The following LRP5 variants were observed in gnomAD, a reference collection of about 807,000 sequenced individuals.
The protein encoded by LRP5 is LDL receptor related protein 5.
A neutral mutation model predicts 154.1 loss-of-function variants in LRP5; 62 were observed. That is an observed-to-expected ratio of 0.40 (90% CI 0.33 to 0.50). The LOEUF is 0.50. Among genes scored for constraint, LRP5 ranks in the 20% least tolerant of loss-of-function variants. The pLI is 0.55. For missense variants in LRP5, 1,915 were observed against 2,336.7 expected (o/e 0.82, Z 3.72); for synonymous variants, 966 against 1,011.5 (o/e 0.96, Z 0.85).
At chr11:68,341,059 C>CTTTTTTGTTTTTTTTTTTT (rs2098608762) in intron 1 of LRP5, among the ~76,000 whole-genome samples, 1 of 83,496 alleles carries the variant, frequency 1.2e-5, no homozygotes. Context: ...GGAGATTGTT[C>CTTTTTTGTTTTTTTTTTTT]TTTTTTTTTT....
At chr11:68,311,700 A>C (rs2098587966), upstream of LRP5, among the ~76,000 whole-genome samples, 2 of 152,252 alleles carry the variant, frequency 1.3e-5, no homozygotes, top group African/African-American at 4.8e-5. Flanking sequence ...GAGGTACTGC[A>C]AGCCCTCTCT....
chr11:68,419,893 A>G (rs909901792), intron 13 of LRP5, among the ~76,000 whole-genome samples: 1 of 150,634 alleles, frequency 6.6e-6, no homozygotes, highest in South Asian at 2.1e-4. Context: ...CTGGAGTGCA[A>G]TGGTGGGCTC....
chr11:68,312,699 C>T lies in LRP5; in HGVS notation c.-16C>T. 1 of 1,006,284 alleles carries T rather than the reference C, an allele frequency of 9.9e-7. No individual in the cohort carries two copies. The highest frequency in any genetic ancestry group is 1.2e-6 in the Non-Finnish European group (1 of 845,116). The allele number at this position is 1,006,284 out of a possible 1,614,324, so 62.3% of individuals were successfully genotyped here. A position where few individuals can be genotyped will look rare whatever the true frequency, so the allele number is the denominator to read the frequency against. Reference sequence around the variant, plus strand: ...CCGAGTGAGCGCGGCGCGGGCCCGTCCGGCCGCCGGACAACATGGAGGCAG... The same window carrying T: ...CCGAGTGAGCGCGGCGCGGGCCCGTTCGGCCGCCGGACAACATGGAGGCAG... On this transcript the variant is annotated 5_prime_UTR_variant, in exon 1 of 23. Coordinates refer to ENST00000294304, the MANE Select transcript of LRP5 (RefSeq NM_002335.4).
chr11:68,336,745 A>G (rs1427230086), intron 1 of LRP5, among the ~76,000 whole-genome samples: 3 of 152,234 alleles, frequency 2.0e-5, no homozygotes, highest in African/African-American at 7.2e-5. Context: ...CTGAGATTAC[A>G]GTCGTGAGCC....
Position 68,439,894 on chromosome 11 carries a change from C to G in LRP5, c.4466C>G (p.Thr1489Arg). 2 of 1,548,052 alleles carry G rather than the reference C, an allele frequency of 1.3e-6. No homozygotes were observed. The highest frequency in any genetic ancestry group is 1.7e-6 in the Non-Finnish European group (2 of 1,149,494). The change falls in exon 21 of 23, where the codon ACG becomes AGG. Residue 1489 changes from threonine (T) to arginine (R), a missense_variant. Coordinates refer to ENST00000294304, the MANE Select transcript of LRP5 (RefSeq NM_002335.4). ...GCCTCGTCCAGCAGCTCGTCCAGCACGAAGGCCACGCTGTACCCGCCGGTG... is the reference window on the plus strand; with the variant it reads ...GCCTCGTCCAGCAGCTCGTCCAGCAGGAAGGCCACGCTGTACCCGCCGGTG... ...TGASSSSSSSTKATLYPPILN... is the reference protein window; with the variant it reads ...TGASSSSSSSRKATLYPPILN...
At position 68,353,274 on chromosome 11, in the gene LRP5, C is replaced by T. The variant is rs905883694; in HGVS notation, c.489-4376C>T. 6.6e-6 allele frequency among the ~76,000 whole-genome samples: 1 copy of T among 152,188 alleles called. No homozygotes were observed. The highest frequency in any genetic ancestry group is 1.5e-5 in the Non-Finnish European group (1 of 68,028). On this transcript the variant is annotated intron_variant, in intron 2 of 22. Coordinates refer to ENST00000294304, the MANE Select transcript of LRP5 (RefSeq NM_002335.4). This position sits in a 1 kb window ranked among gnomAD's most constrained non-coding sequence, Gnocchi z 4.5. ...GCAAAGTTGACCTTAGTGTTGATTC[C>T]TGGGCCTCTCCCCACACCTTCCCTT...
intron 7 of LRP5, among the ~76,000 whole-genome samples, chr11:68,395,427 G>A (rs1010286710): frequency 2.0e-5 from 3 of 152,024 alleles, no homozygotes; most frequent in African/African-American, 4.8e-5. Flanking sequence ...ATTACCTGAC[G>A]ATTTGGAGCT....
rs138671300 is a variant in LRP5 at position 68,437,071 on chromosome 11, G to A, written c.4111+72G>A. On this transcript the variant is annotated intron_variant, in intron 19 of 22. Transcript: ENST00000294304. ...CCCAGGAACGTGGAGTTTAGGGGAG[G>A]AGACGTGCCTTTCCAGCGGGGCTGG... 5.5e-4 allele frequency: 712 copies of A among 1,299,902 alleles called. 3 individuals carry two copies. The African/African-American group carries it at 9.0e-3, about 16-fold the overall frequency. 80.5% of individuals were successfully genotyped at this position (1,299,902 alleles called of 1,614,324 possible). A position where few individuals can be genotyped will look rare whatever the true frequency, so the allele number is the denominator to read the frequency against.
At chr11:68,393,276 C>A (rs1023698432) in intron 7 of LRP5, among the ~76,000 whole-genome samples, 1 of 152,154 alleles carries the variant, frequency 6.6e-6, no homozygotes, top group African/African-American at 2.4e-5. Flanking sequence ...CTGCTGTGAA[C>A]ATTTGAATTC....
chr11:68,319,038 G>A (rs1411657872), intron 1 of LRP5, among the ~76,000 whole-genome samples: 1 of 150,210 alleles, frequency 6.7e-6, no homozygotes, highest in South Asian at 2.1e-4. Flanking sequence ...CGCTGCTTCT[G>A]TGCCCTCCCT....
intron 21 of LRP5, among the ~76,000 whole-genome samples, chr11:68,443,462 C>T: frequency 7.6e-6 from 1 of 131,098 alleles, no homozygotes; most frequent in African/African-American, 2.9e-5. Context: ...TGCACTCCAG[C>T]CTGGGCGACA....
At chr11:68,418,317 G>A (rs2098663718) in intron 13 of LRP5, among the ~76,000 whole-genome samples, 1 of 152,066 alleles carries the variant, frequency 6.6e-6, no homozygotes, top group Non-Finnish European at 1.5e-5. Flanking sequence ...AGGCAGAATT[G>A]CTTGAACCTG....
At chr11:68,376,446 A>G (rs1484455370) in intron 5 of LRP5, among the ~76,000 whole-genome samples, 1 of 152,108 alleles carries the variant, frequency 6.6e-6, no homozygotes, top group African/African-American at 2.4e-5. Flanking sequence ...GGCCTCCCAA[A>G]GTGCTGGGAT....
chr11:68,350,127 C>T (rs908309920), intron 2 of LRP5, among the ~76,000 whole-genome samples: 5 of 152,248 alleles, frequency 3.3e-5, no homozygotes, highest in Non-Finnish European at 7.3e-5. Flanking sequence ...ACCTCCACCT[C>T]CCGAGTTCAA....
chr11:68,385,827 G>A lies in LRP5; in HGVS notation c.1016-489G>A, dbSNP rs146076014. Among the ~76,000 whole-genome samples the A allele has an allele frequency of 6.6e-3, 1,011 of 152,150 alleles. 13 individuals are homozygous for A. Among genetic ancestry groups the A allele is most frequent in the African/African-American group, 0.023 (954 of 41,506 alleles). The stretch of plus-strand genomic sequence containing the variant: ...CCTCGGGTGGTGGAGAGGAGGGAGC[G>A]ATGAAGTGGCGTCGAGCTGGGCAGG... On this transcript the variant is annotated intron_variant, in intron 5 of 22. Transcript: ENST00000294304.
chr11:68,443,804 A>C (rs974906276), intron 21 of LRP5, among the ~76,000 whole-genome samples: 1 of 150,708 alleles, frequency 6.6e-6, no homozygotes, highest in African/African-American at 2.4e-5. Flanking sequence ...GATTATAGGC[A>C]TGCACCACCA....
chr11:68,438,038 C>T (rs1325937531), intron 19 of LRP5, among the ~76,000 whole-genome samples: 1 of 152,208 alleles, frequency 6.6e-6, no homozygotes, highest in Non-Finnish European at 1.5e-5. Flanking sequence ...CCCACCCAGC[C>T]GACCCTGCCC....
intron 1 of LRP5, among the ~76,000 whole-genome samples, chr11:68,323,111 G>T (rs751828988): frequency 2.3e-4 from 35 of 152,272 alleles, no homozygotes; most frequent in African/African-American, 6.3e-4. Context: ...GGTTTTGATT[G>T]ATTTATTTAT....
rs564135057 is a variant in LRP5 at position 68,447,805 on chromosome 11, C to T, written c.4587-1004C>T. The stretch of plus-strand genomic sequence containing the variant: ...AGGACGGGGGCTCCTAAACACACCA[C>T]AGTTCCGAGTCTGAACTCACACAGT... On this transcript the variant is annotated intron_variant, in intron 22 of 22. Transcript: ENST00000294304. The surrounding 1 kb of genome is among the most constrained non-coding windows in gnomAD (Gnocchi z 4.3). 5.8e-4 allele frequency among the ~76,000 whole-genome samples: 88 copies of T among 152,290 alleles called. No homozygotes were observed. Among genetic ancestry groups the T allele is most frequent in the African/African-American group, 1.7e-3 (70 of 41,568 alleles).
Sources: gnomAD v4.1 joint callset for allele counts (sites outside exome capture counted in the v4.1 genomes callset) on GRCh38, gnomAD v4.1.1 for gene constraint, Gnocchi (gnomAD v3.1) non-coding constraint, MANE v1.5 for transcripts, NCBI Gene and HGNC (gene_info 2026-07-23, HGNC 2026-07-21) for gene names.